SUGCT: variants seen among roughly 807,000 people sequenced by gnomAD.
SUGCT encodes succinyl-CoA:glutarate-CoA transferase.
A neutral mutation model predicts 55.0 loss-of-function variants in SUGCT; 41 were observed. That is an observed-to-expected ratio of 0.74 (90% CI 0.58 to 0.97). The LOEUF (loss-of-function observed/expected upper bound fraction) is 0.97, where lower values mean the gene tolerates loss of function less well. Ranked by LOEUF, SUGCT falls within the 50% of genes least tolerant of loss-of-function variation. The probability of loss-of-function intolerance (pLI) is 0.00; values close to 1 mark genes in which losing one functional copy is unlikely to be tolerated. For synonymous variants in SUGCT, 187 were observed against 200.4 expected (o/e 0.93, Z 0.56); for missense variants, 568 against 547.8 (o/e 1.04, Z -0.37).
the SUGCT span, among the ~76,000 whole-genome samples, chr7:41,015,496 C>A: frequency 6.6e-6 from 1 of 152,210 alleles, no homozygotes; most frequent in South Asian, 2.1e-4. Flanking sequence ...GAAAGTAGAG[C>A]CCTAAATTCT....
rs1584704663 is a variant in SUGCT at position 40,333,620 on chromosome 7, G to A, written c.816+16765G>A. Among the ~76,000 whole-genome samples, 3 of 111,582 alleles carry A rather than the reference G, an allele frequency of 2.7e-5. No individual in the cohort carries two copies. In the South Asian group the frequency reaches 9.3e-4, roughly 34 times the overall value. 73.2% of individuals were successfully genotyped at this position (111,582 alleles called of 152,430 possible). ...CCACTGCACTCCAGCCTGGGTGACA[G>A]GGCGAGACTCTGTCTCAAAAAAAAA... is the stretch of plus-strand genomic sequence containing the variant. On this transcript the variant is annotated intron_variant, in intron 9 of 13. Coordinates refer to ENST00000335693, the MANE Select transcript of SUGCT (RefSeq NM_001193313.2).
chr7:40,138,774 A>T (rs1000106989), intron 1 of SUGCT, among the ~76,000 whole-genome samples: 2 of 152,114 alleles, frequency 1.3e-5, no homozygotes, highest in East Asian at 1.9e-4. Context: ...TTTTTTAAAA[A>T]TTTTACTCAT....
the SUGCT span, among the ~76,000 whole-genome samples, chr7:40,903,290 C>G: frequency 6.6e-6 from 1 of 152,108 alleles, no homozygotes; most frequent in Non-Finnish European, 1.5e-5. Flanking sequence ...CCAGGCAGAA[C>G]AGGTATCACT....
chr7:41,027,233 G>A, the SUGCT span, among the ~76,000 whole-genome samples: 6 of 152,020 alleles, frequency 3.9e-5, no homozygotes, highest in African/African-American at 1.4e-4. Context: ...CTGCATCCAC[G>A]CCTTCCAAGA....
rs149622406 is a variant in SUGCT, at chr7:40,433,203, G to A, written c.817-16084G>A. Among the ~76,000 whole-genome samples the A allele has an allele frequency of 2.1e-4, 32 of 151,982 alleles. 2 individuals are homozygous for A. The East Asian group carries it at 5.2e-3, about 25-fold the overall frequency. Reference sequence around the variant, plus strand: ...GAGCTTCTCATTTTGTTTATGTATCGTTTTCCTGAGGCCATTGAACATCCT... The same window carrying A: ...GAGCTTCTCATTTTGTTTATGTATCATTTTCCTGAGGCCATTGAACATCCT... On this transcript the variant is annotated intron_variant, in intron 9 of 13. Transcript: ENST00000335693.
chr7:40,755,021 T>C (rs1307969388), intron 13 of SUGCT, among the ~76,000 whole-genome samples: 1 of 152,132 alleles, frequency 6.6e-6, no homozygotes, highest in African/African-American at 2.4e-5. Flanking sequence ...CCTGGCACCC[T>C]GGAGGAGCAG....
At chr7:40,510,537 C>G (rs768011039) in intron 12 of SUGCT, among the ~76,000 whole-genome samples, 89 of 152,188 alleles carry the variant, frequency 5.8e-4, no homozygotes, top group Middle Eastern at 3.4e-3. Flanking sequence ...ACTAAATAAT[C>G]TGTCCCATAC....
chr7:40,986,077 G>A, the SUGCT span, among the ~76,000 whole-genome samples: 484 of 152,266 alleles, frequency 3.2e-3, 1 homozygote, highest in Non-Finnish European at 5.7e-3. Context: ...TACACAACAT[G>A]AGCCGAATTT....
intron 9 of SUGCT, among the ~76,000 whole-genome samples, chr7:40,415,776 T>G (rs1161194949): frequency 6.6e-6 from 1 of 152,132 alleles, no homozygotes; most frequent in Non-Finnish European, 1.5e-5. Context: ...GAATTCTACA[T>G]GGAATATATT....
At chr7:41,025,630 C>T in the SUGCT span, among the ~76,000 whole-genome samples, 1 of 152,048 alleles carries the variant, frequency 6.6e-6, no homozygotes, top group African/African-American at 2.4e-5. Context: ...GCTGGGATTA[C>T]AGATGTGAGC....
the SUGCT span, among the ~76,000 whole-genome samples, chr7:40,950,047 A>T: frequency 2.0e-5 from 3 of 152,220 alleles, no homozygotes; most frequent in African/African-American, 7.2e-5. Flanking sequence ...TACCTTGGGC[A>T]GTATGGCCAT....
At chr7:41,032,798 T>G in the SUGCT span, among the ~76,000 whole-genome samples, 1 of 152,208 alleles carries the variant, frequency 6.6e-6, no homozygotes, top group Admixed American at 6.6e-5. Context: ...GGAGTCTCAC[T>G]CTGTCGCTAG....
intron 13 of SUGCT, among the ~76,000 whole-genome samples, chr7:40,819,475 T>G (rs1442177981): frequency 6.6e-6 from 1 of 152,210 alleles, no homozygotes; most frequent in Non-Finnish European, 1.5e-5. Flanking sequence ...TGGTATCTCA[T>G]TGTGGTTTTG....
chr7:40,254,871 T>C (rs763478462), intron 7 of SUGCT, among the ~76,000 whole-genome samples: 8 of 151,958 alleles, frequency 5.3e-5, no homozygotes, highest in Non-Finnish European at 1.0e-4. Context: ...TCCTTTAGTT[T>C]TTATGTGATC....
chr7:40,880,549 A>G, the SUGCT span, among the ~76,000 whole-genome samples: 7 of 152,182 alleles, frequency 4.6e-5, no homozygotes, highest in African/African-American at 7.2e-5. Flanking sequence ...TCTACTATCT[A>G]TATTTATTTA....
intron 11 of SUGCT, among the ~76,000 whole-genome samples, chr7:40,490,825 A>AT (rs34412497): frequency 0.27 from 41,239 of 151,890 alleles, 7,281 homozygotes; most frequent in African/African-American, 0.5. Flanking sequence ...TGAAATGTGA[A>AT]TTTTTTTTCC....
At chr7:40,884,320 T>C in the SUGCT span, among the ~76,000 whole-genome samples, 15 of 152,338 alleles carry the variant, frequency 9.8e-5, no homozygotes, top group Admixed American at 9.8e-4. Context: ...GCTTTGCTCA[T>C]GATTGAAAAA....
intron 8 of SUGCT, among the ~76,000 whole-genome samples, chr7:40,280,188 G>T (rs1792860727): frequency 1.3e-5 from 2 of 152,144 alleles, no homozygotes; most frequent in Non-Finnish European, 1.5e-5. Context: ...CATGACAATT[G>T]CCAGGATGTG....
the SUGCT span, among the ~76,000 whole-genome samples, chr7:40,925,673 A>T: frequency 6.6e-6 from 1 of 152,142 alleles, no homozygotes; most frequent in Non-Finnish European, 1.5e-5. Context: ...GCTGAACCGG[A>T]TACCAAGATA....
Sources: allele counts gnomAD v4.1 joint callset (sites outside exome capture counted in the v4.1 genomes callset), GRCh38; gene constraint gnomAD v4.1.1; transcripts MANE v1.5; gene names NCBI Gene and HGNC (gene_info 2026-07-23, HGNC 2026-07-21).